Variants in UNC5C observed in about 807,000 individuals in gnomAD.
UNC5C encodes the protein unc-5 netrin receptor C.
A neutral mutation model predicts 99.8 loss-of-function variants in UNC5C; 47 were observed. That is an observed-to-expected ratio of 0.47 (90% CI 0.37 to 0.60). UNC5C has a LOEUF of 0.60. Ranked by LOEUF, UNC5C falls within the 20% of genes least tolerant of loss-of-function variation. UNC5C has a pLI of 0.00. For synonymous variants in UNC5C, 487 were observed against 452.2 expected (o/e 1.08, Z -0.98); for missense variants, 1,062 against 1,165.9 (o/e 0.91, Z 1.30).
At chr4:95,379,648 C>T (rs904829292) in intron 1 of UNC5C, among the ~76,000 whole-genome samples, 7 of 152,136 alleles carry the variant, frequency 4.6e-5, no homozygotes, top group African/African-American at 1.4e-4. Flanking sequence ...AAAGAAGAAG[C>T]GCTCAAATGG....
chr4:95,317,063 G>A (rs1359048707), intron 2 of UNC5C, among the ~76,000 whole-genome samples: 1 of 151,494 alleles, frequency 6.6e-6, no homozygotes, highest in African/African-American at 2.4e-5. Context: ...CCTTGCCAAA[G>A]GTTCATGTTT....
At chr4:95,305,320 A>G (rs928319361) in intron 2 of UNC5C, among the ~76,000 whole-genome samples, 1 of 152,206 alleles carries the variant, frequency 6.6e-6, no homozygotes, top group Non-Finnish European at 1.5e-5. Context: ...TTTCATAACC[A>G]TAGGTAAGTT....
intron 1 of UNC5C, among the ~76,000 whole-genome samples, chr4:95,435,332 C>T (rs917338731): frequency 1.1e-4 from 17 of 151,954 alleles, no homozygotes; most frequent in African/African-American, 4.1e-4. Context: ...ATGTTAGTGA[C>T]ATTATTAAAT....
intron 1 of UNC5C, among the ~76,000 whole-genome samples, chr4:95,380,615 T>C (rs989982909): frequency 3.3e-5 from 5 of 152,100 alleles, no homozygotes; most frequent in Non-Finnish European, 7.4e-5. Flanking sequence ...GATCACCATT[T>C]ACCCAGAAAA....
rs1290766699 is a variant in UNC5C at position 95,206,839 on chromosome 4, T to C, written c.1734-43A>G. 3 of 1,494,132 alleles carry C rather than the reference T, an allele frequency of 2.0e-6. No individual in the cohort carries two copies. In the African/African-American group the frequency reaches 4.3e-5, roughly 21 times the overall value. The allele number at this position is 1,494,132 out of a possible 1,614,324, so 92.6% of individuals were successfully genotyped here. ...AATGGCTTCAGTGACATTTCCATTG[T>C]ATTCATGAACTATGCACTTGGGTTC... On this transcript the variant is annotated intron_variant, in intron 10 of 15. Coordinates refer to ENST00000453304, the MANE Select transcript of UNC5C (RefSeq NM_003728.4).
chr4:95,354,506 G>A (rs558150102), intron 1 of UNC5C, among the ~76,000 whole-genome samples: 3 of 60,382 alleles, frequency 5.0e-5, no homozygotes, highest in African/African-American at 3.1e-4. Context: ...AAGAGACAGG[G>A]TCTTGTCCTG....
At chr4:95,178,155 C>T (rs1736447554) in intron 14 of UNC5C, among the ~76,000 whole-genome samples, 1 of 152,226 alleles carries the variant, frequency 6.6e-6, no homozygotes, top group Admixed American at 6.5e-5. Context: ...TTGCCCCGTC[C>T]TTACCGTGAC....
At chr4:95,276,984 T>C (rs1257399020) in intron 4 of UNC5C, among the ~76,000 whole-genome samples, 1 of 152,198 alleles carries the variant, frequency 6.6e-6, no homozygotes, top group Non-Finnish European at 1.5e-5. Flanking sequence ...AATTAATTAT[T>C]ATTATTACTA....
At chr4:95,303,171 C>T (rs1211377521) in intron 2 of UNC5C, among the ~76,000 whole-genome samples, 1 of 152,098 alleles carries the variant, frequency 6.6e-6, no homozygotes, top group Non-Finnish European at 1.5e-5. Context: ...CATAGTTGTG[C>T]ACACCAGTGT....
At chr4:95,196,122 C>T (rs12502686) in intron 12 of UNC5C, among the ~76,000 whole-genome samples, 11,919 of 152,146 alleles carry the variant, frequency 0.078, 504 homozygotes, top group African/African-American at 0.094. Context: ...GACTTATTTC[C>T]ACATAGACGT....
At chr4:95,456,106 G>A (rs543058869) in intron 1 of UNC5C, among the ~76,000 whole-genome samples, 1 of 152,026 alleles carries the variant, frequency 6.6e-6, no homozygotes, top group African/African-American at 2.4e-5. Context: ...CTGAGTGGCT[G>A]CATGTAAAGG....
chr4:95,441,766 G>T (rs1445914618), intron 1 of UNC5C, among the ~76,000 whole-genome samples: 1 of 152,122 alleles, frequency 6.6e-6, no homozygotes, highest in Non-Finnish European at 1.5e-5. Flanking sequence ...ATTAAGTGAG[G>T]CACAGTGATG....
intron 2 of UNC5C, among the ~76,000 whole-genome samples, chr4:95,325,522 G>T (rs1742851959): frequency 6.6e-6 from 1 of 152,080 alleles, no homozygotes; most frequent in African/African-American, 2.4e-5. Flanking sequence ...TTTGGTGCCT[G>T]GATGGAGAGA....
At chr4:95,325,229 C>T (rs1354028535) in intron 2 of UNC5C, among the ~76,000 whole-genome samples, 5 of 152,222 alleles carry the variant, frequency 3.3e-5, no homozygotes, top group African/African-American at 1.2e-4. Context: ...AAAGGGAAAC[C>T]ATTATATATT....
At chr4:95,450,287 A>G (rs1747244864) in intron 1 of UNC5C, among the ~76,000 whole-genome samples, 1 of 152,202 alleles carries the variant, frequency 6.6e-6, no homozygotes, top group African/African-American at 2.4e-5. Flanking sequence ...TCATAGGTTC[A>G]TAGCTCACTG....
intron 7 of UNC5C, among the ~76,000 whole-genome samples, chr4:95,232,955 T>C (rs1361776852): frequency 6.6e-6 from 1 of 152,238 alleles, no homozygotes; most frequent in Non-Finnish European, 1.5e-5. Flanking sequence ...ATCAAACTGC[T>C]GTGTTGACAA....
intron 1 of UNC5C, among the ~76,000 whole-genome samples, chr4:95,526,536 C>T (rs1347170420): frequency 6.6e-6 from 1 of 151,798 alleles, no homozygotes; most frequent in Non-Finnish European, 1.5e-5. Flanking sequence ...AAAAAATGGC[C>T]AGAAATAGGT....
chr4:95,227,383 G>C (rs902015835), intron 7 of UNC5C, among the ~76,000 whole-genome samples: 3 of 152,114 alleles, frequency 2.0e-5, no homozygotes, highest in Admixed American at 1.3e-4. Flanking sequence ...GAACTCCTGG[G>C]CTCAAGCAAT....
intron 1 of UNC5C, among the ~76,000 whole-genome samples, chr4:95,499,402 C>T (rs1721713279): frequency 6.6e-6 from 1 of 152,046 alleles, no homozygotes; most frequent in African/African-American, 2.4e-5. Context: ...TACTTGAGAG[C>T]ATTCTCAGGT....
Sources: gnomAD v4.1 joint callset for allele counts (sites outside exome capture counted in the v4.1 genomes callset) on GRCh38, gnomAD v4.1.1 for gene constraint, MANE v1.5 for transcripts, NCBI Gene and HGNC (gene_info 2026-07-23, HGNC 2026-07-21) for gene names.